Variants in FRMD4A observed in about 807,000 individuals in gnomAD.
The protein encoded by FRMD4A is FERM domain-containing protein 4A.
FRMD4A carries 29 observed loss-of-function variants against 129.1 expected under a neutral mutation model. The ratio of observed to expected loss-of-function variants is 0.22; its 90% CI spans 0.17 to 0.31. The LOEUF (loss-of-function observed/expected upper bound fraction) is 0.31, where lower values mean the gene tolerates loss of function less well. Among genes scored for constraint, FRMD4A ranks in the 10% least tolerant of loss-of-function variants. The probability of loss-of-function intolerance (pLI) is 1.00; values close to 1 mark genes in which losing one functional copy is unlikely to be tolerated. For synonymous variants in FRMD4A, 634 were observed against 571.6 expected (o/e 1.11, Z -1.56); for missense variants, 1,272 against 1,375.8 (o/e 0.92, Z 1.19).
At chr10:13,768,985 ATTTTTTTTT>A (rs10558942) in intron 6 of FRMD4A, among the ~76,000 whole-genome samples, 2 of 103,336 alleles carry the variant, frequency 1.9e-5, no homozygotes, top group African/African-American at 3.8e-5. Flanking sequence ...ACTTTACTAG[ATTTTTTTTT>A]TTTTTTTTTT....
At chr10:14,144,116 G>T (rs972687178) in intron 2 of FRMD4A, among the ~76,000 whole-genome samples, 3 of 152,160 alleles carry the variant, frequency 2.0e-5, no homozygotes, top group Admixed American at 2.0e-4. Context: ...CTGTCTACAC[G>T]CTCCTGAGGA....
intron 2 of FRMD4A, among the ~76,000 whole-genome samples, chr10:14,190,699 G>T (rs781653241): frequency 2.6e-5 from 4 of 152,156 alleles, no homozygotes; most frequent in Non-Finnish European, 5.9e-5. Context: ...CTGGATTTTT[G>T]AGAAAAGAAA....
chr10:13,657,748 G>A (rs2082290290), intron 21 of FRMD4A, among the ~76,000 whole-genome samples: 1 of 151,686 alleles, frequency 6.6e-6, no homozygotes, highest in Non-Finnish European at 1.5e-5. Flanking sequence ...GTGGGAAGTG[G>A]GACTGAAGCT....
chr10:13,853,844 A>AAG (rs1564915444), intron 3 of FRMD4A, among the ~76,000 whole-genome samples: 6 of 146,480 alleles, frequency 4.1e-5, no homozygotes, highest in Admixed American at 6.9e-5. Context: ...AAAAAAAAAA[A>AAG]AAAAAAAAAC....
chr10:13,889,858 T>A (rs2698129), intron 2 of FRMD4A, among the ~76,000 whole-genome samples: 1 of 152,246 alleles, frequency 6.6e-6, no homozygotes, highest in African/African-American at 2.4e-5. Flanking sequence ...TTGTATTCAC[T>A]GGCTGGACAA....
chr10:13,918,360 G>A (rs61130949), intron 2 of FRMD4A, among the ~76,000 whole-genome samples: 13,014 of 152,204 alleles, frequency 0.086, 655 homozygotes, highest in East Asian at 0.25. Context: ...TTATGAACAA[G>A]CAGTAAAAAT....
At chr10:13,874,118 C>T (rs968886765) in intron 2 of FRMD4A, among the ~76,000 whole-genome samples, 1 of 151,256 alleles carries the variant, frequency 6.6e-6, no homozygotes, top group Non-Finnish European at 1.5e-5. Context: ...TGTTGGCACA[C>T]GTCTGTAGTC....
chr10:13,709,732 C>T (rs775065459), intron 12 of FRMD4A, among the ~76,000 whole-genome samples: 2 of 152,230 alleles, frequency 1.3e-5, no homozygotes, highest in Non-Finnish European at 2.9e-5. Context: ...TGAACAGGAT[C>T]GGCCTTCTGG....
At chr10:14,305,672 C>CTCTTATAA (rs1846326203) in intron 2 of FRMD4A, among the ~76,000 whole-genome samples, 1 of 152,072 alleles carries the variant, frequency 6.6e-6, no homozygotes, top group East Asian at 1.9e-4. Flanking sequence ...AACATATATG[C>CTCTTATAA]ACACATATGT....
At chr10:14,248,378 A>T (rs541669290) in intron 2 of FRMD4A, among the ~76,000 whole-genome samples, 15 of 152,246 alleles carry the variant, frequency 9.9e-5, no homozygotes, top group Non-Finnish European at 1.8e-4. Context: ...TAAATAATAC[A>T]TTAATGTAGA....
At chr10:13,762,557 G>T in intron 7 of FRMD4A, 67 bp downstream of exon 7, 2 of 901,696 alleles carry the variant, frequency 2.2e-6, no homozygotes, top group South Asian at 1.4e-5. Context: ...GCTATGCCTG[G>T]TAAGTCTTAC....
chr10:14,236,346 G>GTGATTGGAAGGATT (rs1843814093), intron 2 of FRMD4A, among the ~76,000 whole-genome samples: 1 of 152,202 alleles, frequency 6.6e-6, no homozygotes, highest in Non-Finnish European at 1.5e-5. Flanking sequence ...GGAAAGAGGT[G>GTGATTGGAAGGATT]TGATTGGAAG....
At chr10:14,122,064 G>T (rs1175502042) in intron 2 of FRMD4A, among the ~76,000 whole-genome samples, 1 of 152,186 alleles carries the variant, frequency 6.6e-6, no homozygotes, top group Non-Finnish European at 1.5e-5. Flanking sequence ...AGAGACTTAG[G>T]TTCTAACTTT....
At chr10:14,091,527 G>A (rs1254478899) in intron 2 of FRMD4A, among the ~76,000 whole-genome samples, 42 of 152,144 alleles carry the variant, frequency 2.8e-4, no homozygotes, top group Non-Finnish European at 5.9e-5. Context: ...TCCGCCTCCC[G>A]GGTTTAAGCG....
At chr10:13,738,894 T>A (rs554187425) in intron 11 of FRMD4A, among the ~76,000 whole-genome samples, 1 of 152,224 alleles carries the variant, frequency 6.6e-6, no homozygotes, top group Non-Finnish European at 1.5e-5. Context: ...GTGCTGGGAT[T>A]ACAGTCATGA....
At chr10:13,909,067 C>T (rs1320164499) in intron 2 of FRMD4A, among the ~76,000 whole-genome samples, 7 of 152,208 alleles carry the variant, frequency 4.6e-5, no homozygotes, top group African/African-American at 7.2e-5. Flanking sequence ...TTTCACAGCC[C>T]TTATCATCAG....
At chr10:14,278,101 G>T (rs1037432572) in intron 2 of FRMD4A, among the ~76,000 whole-genome samples, 5 of 152,122 alleles carry the variant, frequency 3.3e-5, no homozygotes, top group African/African-American at 1.2e-4. Flanking sequence ...GCAGGTTGGG[G>T]CTCTACATTT....
intron 2 of FRMD4A, among the ~76,000 whole-genome samples, chr10:13,881,454 A>T (rs1477979970): frequency 6.6e-6 from 1 of 152,024 alleles, no homozygotes; most frequent in Non-Finnish European, 1.5e-5. Context: ...GAGTTGTCAC[A>T]CTATCCTTAT....
intron 2 of FRMD4A, among the ~76,000 whole-genome samples, chr10:14,009,555 G>A (rs553452697): frequency 6.6e-6 from 1 of 152,206 alleles, no homozygotes; most frequent in Non-Finnish European, 1.5e-5. Flanking sequence ...TAGGAAATGG[G>A]GGTGGGGTGC....
Sources: gnomAD v4.1 joint callset for allele counts (sites outside exome capture counted in the v4.1 genomes callset) on GRCh38, gnomAD v4.1.1 for gene constraint, MANE v1.5 for transcripts, NCBI Gene and HGNC (gene_info 2026-07-23, HGNC 2026-07-21) for gene names.